GALNT17: variants seen among roughly 807,000 people sequenced by gnomAD.
GALNT17 encodes UDP-GalNAc:polypeptide N-acetylgalactosaminyltransferase-like 3.
GALNT17 carries 29 observed loss-of-function variants against 63.7 expected under a neutral mutation model. That is an observed-to-expected ratio of 0.46 (90% CI 0.34 to 0.62). The LOEUF (loss-of-function observed/expected upper bound fraction) is 0.62. Ranked by LOEUF, GALNT17 falls within the 20% of genes least tolerant of loss-of-function variation. The pLI, the probability that GALNT17 is intolerant of heterozygous loss-of-function variation, is 0.01. For missense variants in GALNT17, 603 were observed against 799.6 expected, an observed-to-expected ratio of 0.75 and a Z score of 2.97; for synonymous variants, 305 against 318.3, an observed-to-expected ratio of 0.96 and a Z score of 0.45.
chr7:71,367,938 ACCAG>A (rs146052236), intron 2 of GALNT17, among the ~76,000 whole-genome samples: 4,729 of 152,294 alleles, frequency 0.031, 116 homozygotes, highest in East Asian at 0.11. Flanking sequence ...CTAGCAGGTC[ACCAG>A]CCAGAGCACT....
intron 1 of GALNT17, among the ~76,000 whole-genome samples, chr7:71,235,252 GAA>G (rs751761194): frequency 2.2e-5 from 3 of 138,632 alleles, no homozygotes; most frequent in Non-Finnish European, 3.2e-5. Context: ...CTCCATCTCG[GAA>G]AAAAAAAAAA....
chr7:71,174,651 A>G (rs1788603933), intron 1 of GALNT17, among the ~76,000 whole-genome samples: 1 of 152,192 alleles, frequency 6.6e-6, no homozygotes, highest in South Asian at 2.1e-4. Context: ...CTCACAAAGT[A>G]CATTCTCAAG....
intron 9 of GALNT17, among the ~76,000 whole-genome samples, chr7:71,700,719 C>T (rs1329728313): frequency 2.0e-5 from 3 of 152,222 alleles, no homozygotes; most frequent in Non-Finnish European, 2.9e-5. Context: ...CAGGGCTTGA[C>T]TTCAATGCCT....
intron 1 of GALNT17, among the ~76,000 whole-genome samples, chr7:71,306,820 G>GTTTTA (rs996379606): frequency 8.0e-5 from 12 of 150,710 alleles, no homozygotes; most frequent in Non-Finnish European, 1.8e-4. Flanking sequence ...TTTCATTTCT[G>GTTTTA]TTTTGTTTTG....
intron 1 of GALNT17, among the ~76,000 whole-genome samples, chr7:71,150,078 T>A (rs1788102059): frequency 6.6e-6 from 1 of 152,196 alleles, no homozygotes; most frequent in South Asian, 2.1e-4. Context: ...TTCTCTTGCG[T>A]CGAGAAGGTA....
chr7:71,520,529 AAAAG>A (rs2116749694), intron 5 of GALNT17, among the ~76,000 whole-genome samples: 1 of 152,158 alleles, frequency 6.6e-6, no homozygotes, highest in South Asian at 2.1e-4. Flanking sequence ...TCTCAAAAAA[AAAAG>A]AAAAAACAGA....
rs141572789 is a variant in GALNT17, at chr7:71,294,511, T to C, written c.239-41039T>C. ...CTCACTGCAACCTCTGCCTCCCAGG[T>C]TCAAGCAATTCTCATGCCTCAGCTT... On this transcript the variant is annotated intron_variant, in intron 1 of 10. Transcript: ENST00000333538. 7.5e-3 allele frequency among the ~76,000 whole-genome samples: 1,104 copies of C among 147,712 alleles called. 2 individuals carry two copies. Among genetic ancestry groups the C allele is most frequent in the Non-Finnish European group, 0.012 (809 of 67,582 alleles).
At chr7:71,435,608 C>A (rs1303874974) in intron 5 of GALNT17, among the ~76,000 whole-genome samples, 1 of 152,144 alleles carries the variant, frequency 6.6e-6, no homozygotes, top group Non-Finnish European at 1.5e-5. Flanking sequence ...TTCGGGCCCC[C>A]ACCCAGGAAC....
intron 2 of GALNT17, among the ~76,000 whole-genome samples, chr7:71,367,754 T>C (rs940150087): frequency 3.9e-5 from 6 of 152,200 alleles, no homozygotes; most frequent in African/African-American, 1.4e-4. Context: ...GCCTTGTTTG[T>C]AGTTCTGATG....
chr7:71,521,969 C>A (rs774940805), intron 5 of GALNT17, among the ~76,000 whole-genome samples: 1 of 152,180 alleles, frequency 6.6e-6, no homozygotes, highest in Non-Finnish European at 1.5e-5. Context: ...TTCTTGTCCA[C>A]ATGTCTCATT....
intron 1 of GALNT17, among the ~76,000 whole-genome samples, chr7:71,200,685 CACATT>C (rs1020555744): frequency 4.9e-4 from 75 of 152,178 alleles, no homozygotes; most frequent in African/African-American, 1.7e-3. Flanking sequence ...CTGCTTTTCT[CACATT>C]ACATTATTTA....
chr7:71,291,848 CATTT>C (rs1428228556), intron 1 of GALNT17, among the ~76,000 whole-genome samples: 2 of 151,992 alleles, frequency 1.3e-5, no homozygotes, highest in East Asian at 1.9e-4. Flanking sequence ...AAATTTCTTG[CATTT>C]ATTTATCAAC....
At chr7:71,569,898 T>G (rs1789409979) in intron 5 of GALNT17, among the ~76,000 whole-genome samples, 1 of 152,196 alleles carries the variant, frequency 6.6e-6, no homozygotes, top group Non-Finnish European at 1.5e-5. Context: ...AGATACCCAT[T>G]AATGGGATTG....
Position 71,586,649 on chromosome 7 carries a change from G to C in GALNT17, c.1080+15247G>C, listed in dbSNP as rs888956486. ...CACCTCTTTTGCAGTATTTGGTATT[G>C]TCAGAATCTATTTTACCAAACCTAG... On this transcript the variant is annotated intron_variant, in intron 6 of 10. Coordinates refer to ENST00000333538, the MANE Select transcript of GALNT17 (RefSeq NM_022479.3). 1.5e-4 allele frequency among the ~76,000 whole-genome samples: 23 copies of C among 150,654 alleles called. 1 individual carries two copies. Among genetic ancestry groups the C allele is most frequent in the African/African-American group, 9.8e-5 (4 of 40,986 alleles).
intron 5 of GALNT17, among the ~76,000 whole-genome samples, chr7:71,566,578 A>G (rs958342302): frequency 2.6e-5 from 4 of 151,824 alleles, no homozygotes. Context: ...GCACTAGCAT[A>G]TCTCCATAAC....
At chr7:71,347,800 T>C (rs1792121968) in intron 2 of GALNT17, among the ~76,000 whole-genome samples, 1 of 152,068 alleles carries the variant, frequency 6.6e-6, no homozygotes, top group Non-Finnish European at 1.5e-5. Flanking sequence ...TCACTAGGGA[T>C]GTTCTGAGGT....
At chr7:71,270,447 C>T (rs1024165242) in intron 1 of GALNT17, among the ~76,000 whole-genome samples, 6 of 150,342 alleles carry the variant, frequency 4.0e-5, no homozygotes, top group South Asian at 2.1e-4. Flanking sequence ...ATCATTTGAA[C>T]CCGGGAGGCA....
chr7:71,371,453 T>C (rs949759107), intron 2 of GALNT17, among the ~76,000 whole-genome samples: 10 of 152,362 alleles, frequency 6.6e-5, no homozygotes, highest in African/African-American at 2.4e-4. Flanking sequence ...TCTTTTGTTA[T>C]ATGAATTATG....
At position 71,598,818 on chromosome 7, in the gene GALNT17, G is replaced by A. The variant is rs564729172; in HGVS notation, c.1080+27416G>A. Among the ~76,000 whole-genome samples the A allele has an allele frequency of 1.7e-3, 98 of 57,294 alleles. 1 individual carries two copies. The highest frequency in any genetic ancestry group is 3.9e-3 in the African/African-American group (95 of 24,306). The allele number at this position is 57,294 out of a possible 152,430, so 37.6% of individuals were successfully genotyped here. ...CACAGAAATGGGCAGTAGCAAATCGGGTAAATGATCAGAAGGAAAAGTACT... is the reference window on the plus strand; with the variant it reads ...CACAGAAATGGGCAGTAGCAAATCGAGTAAATGATCAGAAGGAAAAGTACT... On this transcript the variant is annotated intron_variant, in intron 6 of 10. Coordinates refer to ENST00000333538, the MANE Select transcript of GALNT17 (RefSeq NM_022479.3).
Sources: gnomAD v4.1 joint callset for allele counts (sites outside exome capture counted in the v4.1 genomes callset) on GRCh38, gnomAD v4.1.1 for gene constraint, MANE v1.5 for transcripts, NCBI Gene and HGNC (gene_info 2026-07-23, HGNC 2026-07-21) for gene names.